Variants in LPIN1 observed in about 807,000 individuals in gnomAD.
The protein encoded by LPIN1 is lipin 1.
In LPIN1, 71 loss-of-function variants were observed where a neutral mutation model predicts 107.5. That is an observed-to-expected ratio of 0.66 (90% CI 0.55 to 0.80). The LOEUF (loss-of-function observed/expected upper bound fraction) is 0.80, where lower values mean the gene tolerates loss of function less well. Among genes scored for constraint, LPIN1 ranks in the 30% least tolerant of loss-of-function variants. The probability of loss-of-function intolerance (pLI) is 0.00; values close to 1 mark genes in which losing one functional copy is unlikely to be tolerated. For synonymous variants in LPIN1, 445 were observed against 452.6 expected (o/e 0.98, Z 0.21); for missense variants, 1,043 against 1,160.6 (o/e 0.90, Z 1.47).
intron 17 of LPIN1, among the ~76,000 whole-genome samples, chr2:11,806,994 T>G (rs1466676761): frequency 6.6e-6 from 1 of 152,232 alleles, no homozygotes; most frequent in Non-Finnish European, 1.5e-5. Context: ...CACCATACTT[T>G]CTTTAACTCG....
chr2:11,784,092 G>A lies in LPIN1; in HGVS notation c.1358+170G>A, dbSNP rs578039458. 134 of 1,162,504 alleles carry A rather than the reference G, an allele frequency of 1.2e-4. No homozygotes were observed. The African/African-American group carries it at 2.0e-3, about 17-fold the overall frequency. 72.0% of individuals were successfully genotyped at this position (1,162,504 alleles called of 1,614,324 possible). On this transcript the variant is annotated intron_variant, in intron 9 of 20. Coordinates refer to ENST00000674199, the MANE Select transcript of LPIN1 (RefSeq NM_001349206.2). ...GGCTGAGGTGGGCGGATCACTTGAG[G>A]TCAGGAGTTCAAGACCACCCTGGCC...
upstream of LPIN1, chr2:11,723,659 A>T (rs536543917): frequency 6.6e-6 from 1 of 152,250 alleles, no homozygotes; most frequent in East Asian, 1.9e-4. Context: ...TCCCTCTGAA[A>T]AAAAAAGAGA....
intron 14 of LPIN1, among the ~76,000 whole-genome samples, chr2:11,801,105 C>T (rs948899857): frequency 1.3e-5 from 2 of 152,120 alleles, no homozygotes; most frequent in African/African-American, 2.4e-5. Context: ...CAAAAAATAA[C>T]GAATGCTCAC....
At chr2:11,715,837 A>G (rs1663699212) in intron 2 of LPIN1, among the ~76,000 whole-genome samples, 1 of 152,150 alleles carries the variant, frequency 6.6e-6, no homozygotes, top group Admixed American at 6.5e-5. Flanking sequence ...ACCGATGACC[A>G]GGAGGCCTCG....
intron 1 of LPIN1, among the ~76,000 whole-genome samples, chr2:11,759,827 C>G (rs1365221231): frequency 1.4e-5 from 2 of 142,508 alleles, no homozygotes; most frequent in African/African-American, 5.2e-5. Flanking sequence ...CCCCCCACCT[C>G]CCTCCCGGAC....
chr2:11,755,309 C>T (rs1277960237), intron 1 of LPIN1, among the ~76,000 whole-genome samples: 1 of 152,126 alleles, frequency 6.6e-6, no homozygotes, highest in African/African-American at 2.4e-5. Context: ...CCCCCTCGTG[C>T]CCCGACTTGC....
chr2:11,698,107 T>C (rs1231829337), intron 1 of LPIN1, among the ~76,000 whole-genome samples: 1 of 152,188 alleles, frequency 6.6e-6, no homozygotes, highest in South Asian at 2.1e-4. Context: ...GGGATGTTGG[T>C]GTCTGTGACC....
exon 1 of LPIN1, chr2:11,724,382 G>A: frequency 2.0e-6 from 2 of 986,292 alleles, no homozygotes; most frequent in South Asian, 9.4e-5. Flanking sequence ...AGGATGGGAG[G>A]CGAGGAGGCA....
Position 11,765,315 on chromosome 2 carries a change from A to G in LPIN1, c.-9-218A>G, listed in dbSNP as rs1670658045. On this transcript the variant is annotated intron_variant, in intron 1 of 20. Coordinates refer to ENST00000674199, the MANE Select transcript of LPIN1 (RefSeq NM_001349206.2). The surrounding 1 kb of genome is among the most constrained non-coding windows in gnomAD (Gnocchi z 4.4). ...CTGTGATGGGCCGTGATGGACCCTG[A>G]TGGGCCATGATGGACACTGATGGGC... 1.3e-5 allele frequency among the ~76,000 whole-genome samples: 2 copies of G among 151,694 alleles called. No homozygotes were observed. Among genetic ancestry groups the G allele is most frequent in the African/African-American group, 4.8e-5 (2 of 41,256 alleles).
chr2:11,769,896 A>G (rs146188446), intron 3 of LPIN1, among the ~76,000 whole-genome samples: 278 of 152,340 alleles, frequency 1.8e-3, no homozygotes, highest in African/African-American at 5.8e-3. Context: ...AAGTGTCCAT[A>G]ATTGCAGCTT....
At chr2:11,746,737 C>T in intron 1 of LPIN1, 66 bp downstream of exon 1, 1 of 852,564 alleles carries the variant, frequency 1.2e-6, no homozygotes, top group Non-Finnish European at 1.4e-6. Context: ...TTAGGCGGGG[C>T]GGGGCGCGGC....
intron 1 of LPIN1, among the ~76,000 whole-genome samples, chr2:11,712,879 A>T (rs960337810): frequency 2.8e-4 from 43 of 152,234 alleles, no homozygotes; most frequent in African/African-American, 1.0e-3. Context: ...ACTACTGCAT[A>T]TGTCCTACCT....
At chr2:11,681,547 G>T in intron 1 of LPIN1, 1 of 154,206 alleles carries the variant, frequency 6.5e-6, no homozygotes, top group South Asian at 1.8e-4. Context: ...GTGGAACTGT[G>T]AGCCATTTAA....
At position 11,825,058 on chromosome 2, in the gene LPIN1, C is replaced by G. The variant is rs540184506; in HGVS notation, c.*267C>G. ...CTCAGTTGTGGCTTAATGCCAGTTA[C>G]GACGCTGCCTTTCCGGCCTGCTCCA... On this transcript the variant is annotated 3_prime_UTR_variant, in exon 21 of 21. Transcript: ENST00000674199. This position sits in a 1 kb window ranked among gnomAD's most constrained non-coding sequence, Gnocchi z 4.1. The G allele has an allele frequency of 2.0e-6, 1 of 503,040 alleles. No homozygotes were observed. Among genetic ancestry groups the G allele is most frequent in the Non-Finnish European group, 3.6e-6 (1 of 275,062 alleles). 31.2% of individuals were successfully genotyped at this position (503,040 alleles called of 1,614,324 possible). A position where few individuals can be genotyped will look rare whatever the true frequency, so the allele number is the denominator to read the frequency against.
intron 1 of LPIN1, among the ~76,000 whole-genome samples, chr2:11,693,265 C>G (rs894587282): frequency 1.5e-4 from 23 of 148,574 alleles, no homozygotes; most frequent in Middle Eastern, 3.2e-3. Flanking sequence ...TGGCATTGAG[C>G]CTTGGGCATG....
chr2:11,747,229 G>A (rs567120237), intron 1 of LPIN1, among the ~76,000 whole-genome samples: 76 of 152,314 alleles, frequency 5.0e-4, no homozygotes, highest in Non-Finnish European at 9.0e-4. Flanking sequence ...TTGGAATCCC[G>A]GTTCTCATAT....
chr2:11,765,769 C>T lies in LPIN1; in HGVS notation c.192+36C>T, dbSNP rs762037721. ...AGGGCACGGGGACCTGGCACCGGCT[C>T]TCCTTAGAGAATGCCCTTGTACTCT... On this transcript the variant is annotated intron_variant, in intron 2 of 20. Coordinates refer to ENST00000674199, the MANE Select transcript of LPIN1 (RefSeq NM_001349206.2). This position sits in a 1 kb window ranked among gnomAD's most constrained non-coding sequence, Gnocchi z 4.4. The T allele has an allele frequency of 9.5e-6, 15 of 1,582,454 alleles. No individual in the cohort carries two copies. The highest frequency in any genetic ancestry group is 2.2e-5 in the East Asian group (1 of 44,542).
At chr2:11,730,833 A>G (rs765264375) in intron 1 of LPIN1, among the ~76,000 whole-genome samples, 8 of 152,104 alleles carry the variant, frequency 5.3e-5, no homozygotes, top group Non-Finnish European at 8.8e-5. Flanking sequence ...CCTGCTTGAC[A>G]TCAGCTTTGG....
chr2:11,692,903 CT>C (rs1337505157), intron 1 of LPIN1, among the ~76,000 whole-genome samples: 1 of 152,194 alleles, frequency 6.6e-6, no homozygotes, highest in African/African-American at 2.4e-5. Flanking sequence ...GGCTCTGCCC[CT>C]GAGATCTTAG....
Sources: allele counts gnomAD v4.1 joint callset (sites outside exome capture counted in the v4.1 genomes callset), GRCh38; gene constraint gnomAD v4.1.1; non-coding constraint Gnocchi (gnomAD v3.1); transcripts MANE v1.5; gene names NCBI Gene and HGNC (gene_info 2026-07-23, HGNC 2026-07-21).